RAPGEF4: variants seen among roughly 807,000 people sequenced by gnomAD.
RAPGEF4 encodes Rap guanine nucleotide exchange factor 4, also known as RAP guanine-nucleotide-exchange factor (GEF) 4.
Under a neutral mutation model 147.9 loss-of-function variants are expected in RAPGEF4, and 66 were observed. That is an observed-to-expected ratio of 0.45 (90% CI 0.37 to 0.55). RAPGEF4 has a LOEUF of 0.55. Among genes scored for constraint, RAPGEF4 ranks in the 20% least tolerant of loss-of-function variants. RAPGEF4 has a pLI of 0.00. For missense variants in RAPGEF4, 1,071 were observed against 1,257.3 expected (o/e 0.85, Z 2.24); for synonymous variants, 419 against 442.7 (o/e 0.95, Z 0.67).
At chr2:172,904,940 T>TA (rs1699466984) in intron 4 of RAPGEF4, among the ~76,000 whole-genome samples, 1 of 152,030 alleles carries the variant, frequency 6.6e-6, no homozygotes, top group Non-Finnish European at 1.5e-5. Context: ...GGATGATGGT[T>TA]AAAATTCTTC....
intron 10 of RAPGEF4, among the ~76,000 whole-genome samples, chr2:172,972,210 G>A (rs1321283482): frequency 2.0e-5 from 3 of 152,278 alleles, no homozygotes; most frequent in African/African-American, 4.8e-5. Flanking sequence ...TCTAGAGGGC[G>A]CGTGAGAGCC....
chr2:172,794,994 C>T, intron 1 of RAPGEF4, 31 bp from the exon 2 acceptor site: 1 of 1,580,426 alleles, frequency 6.3e-7, no homozygotes, highest in South Asian at 1.2e-5. Flanking sequence ...TCTTTACTGA[C>T]ATAGCTTTTG....
chr2:172,876,718 G>A (rs1695973315), intron 4 of RAPGEF4, among the ~76,000 whole-genome samples: 1 of 152,166 alleles, frequency 6.6e-6, no homozygotes, highest in Non-Finnish European at 1.5e-5. Flanking sequence ...CTCTTGTTTT[G>A]TTGTGTCTCT....
chr2:172,840,215 T>C (rs1434505023), intron 4 of RAPGEF4, among the ~76,000 whole-genome samples: 1 of 152,202 alleles, frequency 6.6e-6, no homozygotes, highest in Non-Finnish European at 1.5e-5. Context: ...GGCTCTCTAT[T>C]CCTGTCAGAG....
rs1229937768 is a variant in RAPGEF4 at position 173,017,498 on chromosome 2, G to A, written c.2002G>A (p.Asp668Asn). 2 of 1,613,100 alleles carry A rather than the reference G, an allele frequency of 1.2e-6. No homozygotes were observed. The highest frequency in any genetic ancestry group is 3.3e-5 in the Admixed American group (2 of 60,006). Residue 668 changes from aspartate (D) to asparagine (N), a missense_variant, in exon 21 of 31, where the codon GAT (aspartate) becomes AAT (asparagine). Asp to Asn is a conservative substitution (Grantham distance 23, BLOSUM62 1). Transcript: ENST00000397081. ...GAAGCGCCAGCCTATCCGCGGCTCT[G>A]ATGAAGGTGAGAACCCTCTTCCAAC... Reference protein sequence around the residue: ...AQKRQPIRGSDEVLFKVYCMD... With the variant: ...AQKRQPIRGSNEVLFKVYCMD...
At chr2:172,737,179 A>T (rs2149407043) in intron 1 of RAPGEF4, among the ~76,000 whole-genome samples, 1 of 152,332 alleles carries the variant, frequency 6.6e-6, no homozygotes, top group Non-Finnish European at 1.5e-5. Context: ...TTCAATTACC[A>T]CTCAGTAGCA....
intron 23 of RAPGEF4, among the ~76,000 whole-genome samples, chr2:173,025,960 C>T (rs1696621193): frequency 6.6e-6 from 1 of 152,224 alleles, no homozygotes; most frequent in Non-Finnish European, 1.5e-5. Flanking sequence ...TTTCTAATGT[C>T]TAGCCCAAAA....
rs1043672950 is a variant in RAPGEF4 at position 173,017,163 on chromosome 2, A to G, written c.1899-11A>G. On this transcript the variant is annotated splice_polypyrimidine_tract_variant and intron_variant, in intron 19 of 30. Coordinates refer to ENST00000397081, the MANE Select transcript of RAPGEF4 (RefSeq NM_007023.4). The stretch of plus-strand genomic sequence containing the variant: ...TGGTATTAAATAATGTGCTTTCTCT[A>G]CTTCTCGTAGCTCAGAAGATGCAAA... 6.2e-7 allele frequency: 1 copy of G among 1,612,262 alleles called. No individual in the cohort carries two copies. Among genetic ancestry groups the G allele is most frequent in the African/African-American group, 1.3e-5 (1 of 74,886 alleles).
chr2:172,858,254 C>T (rs1274633760), intron 4 of RAPGEF4, among the ~76,000 whole-genome samples: 1 of 152,142 alleles, frequency 6.6e-6, no homozygotes, highest in Admixed American at 6.5e-5. Flanking sequence ...TTATTAATTT[C>T]ATCGTATTCC....
At chr2:172,787,219 A>T (rs1469552962) in intron 1 of RAPGEF4, among the ~76,000 whole-genome samples, 1 of 152,208 alleles carries the variant, frequency 6.6e-6, no homozygotes, top group Non-Finnish European at 1.5e-5. Flanking sequence ...CTCAAAAAAT[A>T]AAAATAAAAA....
In RAPGEF4 at chr2:173,014,630, C is replaced by A. The variant is rs771898741; in HGVS notation, c.1809+16C>A. 1.9e-6 allele frequency: 3 copies of A among 1,610,166 alleles called. No individual in the cohort carries two copies. The highest frequency in any genetic ancestry group is 2.2e-5 in the South Asian group (2 of 90,524). ...CTTCCTGGAGGTAGGCAGGGGTCATCTCTTCCAAGAATATACTGTTGTCCT... is the reference window on the plus strand; with the variant it reads ...CTTCCTGGAGGTAGGCAGGGGTCATATCTTCCAAGAATATACTGTTGTCCT... On this transcript the variant is annotated intron_variant, in intron 18 of 30. Transcript: ENST00000397081.
Position 172,867,664 on chromosome 2 carries a change from G to A in RAPGEF4, c.445-50138G>A, listed in dbSNP as rs1024263555. 3.9e-5 allele frequency among the ~76,000 whole-genome samples: 6 copies of A among 152,158 alleles called. No homozygotes were observed. The South Asian group carries it at 6.2e-4, about 16-fold the overall frequency. On this transcript the variant is annotated intron_variant, in intron 4 of 30. Coordinates refer to ENST00000397081, the MANE Select transcript of RAPGEF4 (RefSeq NM_007023.4). The stretch of plus-strand genomic sequence containing the variant: ...ATGAGTAAATGGATTTATGATTGAG[G>A]GTATGGCTATTTGTTGGGCATTCAT...
At chr2:172,758,611 C>A (rs1291096961) in intron 1 of RAPGEF4, among the ~76,000 whole-genome samples, 1 of 151,968 alleles carries the variant, frequency 6.6e-6, no homozygotes, top group East Asian at 1.9e-4. Flanking sequence ...GAGGTAGAAC[C>A]AATAGGACAT....
At chr2:172,797,473 A>C in intron 2 of RAPGEF4, 52 bp from the exon 3 acceptor site, 1 of 1,470,498 alleles carries the variant, frequency 6.8e-7, no homozygotes, top group Non-Finnish European at 9.4e-7. Context: ...CAGATCATAT[A>C]GTAAAACCAA....
intron 4 of RAPGEF4, among the ~76,000 whole-genome samples, chr2:172,834,709 T>A (rs1690733710): frequency 6.6e-6 from 1 of 152,136 alleles, no homozygotes; most frequent in South Asian, 2.1e-4. Context: ...AAATCAGAAA[T>A]CTGAACCAAA....
intron 4 of RAPGEF4, among the ~76,000 whole-genome samples, chr2:172,909,779 T>G (rs1238114865): frequency 1.3e-5 from 2 of 152,212 alleles, no homozygotes; most frequent in Non-Finnish European, 2.9e-5. Flanking sequence ...TAAACTTCTA[T>G]AAAGATATGA....
chr2:172,795,536 A>G (rs898883715), intron 2 of RAPGEF4, among the ~76,000 whole-genome samples: 13 of 152,234 alleles, frequency 8.5e-5, no homozygotes, highest in African/African-American at 3.1e-4. Flanking sequence ...TGCTGATAGT[A>G]ATGTTTTGAA....
rs182146994 is a variant in RAPGEF4 at position 172,809,220 on chromosome 2, G to T, written c.298-5059G>T. 5.9e-5 allele frequency among the ~76,000 whole-genome samples: 9 copies of T among 152,256 alleles called. No homozygotes were observed. In the East Asian group the frequency reaches 1.7e-3, roughly 29 times the overall value. ...GTTAGTGTGGGGAGGGGCCAAGGCT[G>T]GTCTAACCAGGGGTAGCATGATGAG... is the stretch of plus-strand genomic sequence containing the variant. On this transcript the variant is annotated intron_variant, in intron 3 of 30. Coordinates refer to ENST00000397081, the MANE Select transcript of RAPGEF4 (RefSeq NM_007023.4).
At chr2:172,852,694 G>A (rs1344650298) in intron 4 of RAPGEF4, among the ~76,000 whole-genome samples, 1 of 152,020 alleles carries the variant, frequency 6.6e-6, no homozygotes, top group Admixed American at 6.6e-5. Flanking sequence ...TGGTGATAAT[G>A]GACATCCTTT....
Sources: gnomAD v4.1 joint callset for allele counts (sites outside exome capture counted in the v4.1 genomes callset) on GRCh38, gnomAD v4.1.1 for gene constraint, MANE v1.5 for transcripts, NCBI Gene and HGNC (gene_info 2026-07-23, HGNC 2026-07-21) for gene names.